Variants in LRRC4C observed in about 807,000 individuals in gnomAD.
LRRC4C encodes leucine-rich repeat-containing protein 4C.
In LRRC4C, 5 loss-of-function variants were observed where a neutral mutation model predicts 33.6. The observed-to-expected ratio is 0.15, with a 90% CI of 0.08 to 0.31. LRRC4C has a LOEUF of 0.31. Among genes scored for constraint, LRRC4C ranks in the 10% least tolerant of loss-of-function variants. LRRC4C has a pLI of 1.00. For synonymous variants in LRRC4C, 329 were observed against 302.0 expected, an observed-to-expected ratio of 1.09 and a Z score of -0.93; for missense variants, 560 against 796.7, an observed-to-expected ratio of 0.70 and a Z score of 3.58.
intron 3 of LRRC4C, among the ~76,000 whole-genome samples, chr11:40,367,703 G>C (rs1948272417): frequency 6.6e-6 from 1 of 152,018 alleles, no homozygotes. Context: ...ACACTTTTGT[G>C]AAATGTCATA....
In LRRC4C at chr11:40,838,909, G is replaced by GA. The variant is rs200842549; in HGVS notation, c.-407+94725dup. On this transcript the variant is annotated intron_variant, in intron 2 of 6. Transcript: ENST00000528697. ...TCAACAATTGTTTCCTTGATAATCA[G>GA]AAAAAAAAATGTATTTCTTTAACAT... is the stretch of plus-strand genomic sequence containing the variant. Among the ~76,000 whole-genome samples, 250 of 149,670 alleles carry GA rather than the reference G, an allele frequency of 1.7e-3. No individual in the cohort carries two copies. The East Asian group carries it at 0.025, about 15-fold the overall frequency.
At chr11:40,569,415 C>A (rs1379837640) in intron 3 of LRRC4C, among the ~76,000 whole-genome samples, 1 of 152,100 alleles carries the variant, frequency 6.6e-6, no homozygotes, top group Non-Finnish European at 1.5e-5. Flanking sequence ...ACTTGCAAAA[C>A]CAGAGTCAGT....
chr11:41,206,803 C>T (rs1946619567), intron 1 of LRRC4C, among the ~76,000 whole-genome samples: 1 of 152,040 alleles, frequency 6.6e-6, no homozygotes, highest in African/African-American at 2.4e-5. Context: ...TGTATAATCT[C>T]AATCCTCATA....
intron 3 of LRRC4C, among the ~76,000 whole-genome samples, chr11:40,358,184 A>AAAAG (rs1947764875): frequency 6.6e-6 from 1 of 150,386 alleles, no homozygotes; most frequent in Non-Finnish European, 1.5e-5. Context: ...CTCTGTCTCA[A>AAAAG]AAATAAATAA....
chr11:40,582,017 T>G (rs1055384746), intron 3 of LRRC4C, among the ~76,000 whole-genome samples: 1 of 152,156 alleles, frequency 6.6e-6, no homozygotes, highest in Non-Finnish European at 1.5e-5. Flanking sequence ...TTTTTCCAAG[T>G]GGAAAAGGCT....
intron 1 of LRRC4C, among the ~76,000 whole-genome samples, chr11:41,432,803 A>AT (rs1456237187): frequency 1.3e-5 from 2 of 151,998 alleles, no homozygotes; most frequent in Non-Finnish European, 2.9e-5. Flanking sequence ...GGCTGGCATC[A>AT]TTTTTCCCCC....
At chr11:40,874,083 G>A (rs1040195988) in intron 2 of LRRC4C, among the ~76,000 whole-genome samples, 7 of 152,188 alleles carry the variant, frequency 4.6e-5, no homozygotes, top group African/African-American at 1.7e-4. Flanking sequence ...AGATCAGAAA[G>A]TAAAAGCATA....
chr11:40,495,517 G>C (rs2138560824), intron 3 of LRRC4C, among the ~76,000 whole-genome samples: 1 of 152,204 alleles, frequency 6.6e-6, no homozygotes, highest in South Asian at 2.1e-4. Flanking sequence ...AGTTCCCCAA[G>C]TTGAGATATT....
At chr11:41,103,174 C>T (rs557682938) in intron 1 of LRRC4C, among the ~76,000 whole-genome samples, 1 of 151,958 alleles carries the variant, frequency 6.6e-6, no homozygotes, top group Admixed American at 6.6e-5. Flanking sequence ...TATGGCCTGT[C>T]ACACAGCAAT....
intron 3 of LRRC4C, among the ~76,000 whole-genome samples, chr11:40,471,275 C>T (rs938371871): frequency 6.6e-6 from 1 of 152,126 alleles, no homozygotes; most frequent in Non-Finnish European, 1.5e-5. Context: ...ATTTCATATT[C>T]AGCCAAACTA....
chr11:40,155,325 C>G lies in LRRC4C; in HGVS notation c.-95-14472G>C, dbSNP rs531707956. 1.4e-4 allele frequency among the ~76,000 whole-genome samples: 21 copies of G among 151,730 alleles called. No individual in the cohort carries two copies. In the South Asian group the frequency reaches 4.0e-3, roughly 29 times the overall value. On this transcript the variant is annotated intron_variant, in intron 5 of 6. Transcript: ENST00000528697. The stretch of plus-strand genomic sequence containing the variant: ...CTAGAAAAAGAAGAACAAACAAAAC[C>G]CAAACCCAACAGAAGGAAGGAAAAA...
intron 1 of LRRC4C, among the ~76,000 whole-genome samples, chr11:41,194,845 G>A (rs1946114339): frequency 6.6e-6 from 1 of 152,000 alleles, no homozygotes; most frequent in Non-Finnish European, 1.5e-5. Context: ...TAGTAATATT[G>A]TTATATAACA....
chr11:41,219,002 A>G (rs1947186812), intron 1 of LRRC4C, among the ~76,000 whole-genome samples: 1 of 151,630 alleles, frequency 6.6e-6, no homozygotes, highest in African/African-American at 2.4e-5. Context: ...CAATCTCCTG[A>G]CCTCATGATC....
intron 3 of LRRC4C, among the ~76,000 whole-genome samples, chr11:40,440,536 T>C (rs1027996016): frequency 6.6e-5 from 10 of 152,156 alleles, no homozygotes; most frequent in Non-Finnish European, 1.3e-4. Flanking sequence ...ATTATATCAT[T>C]CTCTTGAAAA....
At chr11:40,299,116 G>T (rs1382109178) in intron 4 of LRRC4C, among the ~76,000 whole-genome samples, 1 of 152,128 alleles carries the variant, frequency 6.6e-6, no homozygotes, top group Non-Finnish European at 1.5e-5. Flanking sequence ...AATAACAAAG[G>T]TCCTTAGTGA....
intron 2 of LRRC4C, among the ~76,000 whole-genome samples, chr11:40,764,471 T>C (rs60008491): frequency 0.068 from 10,349 of 152,228 alleles, 585 homozygotes; most frequent in African/African-American, 0.15. Flanking sequence ...AGATTACCAA[T>C]GTTCCTGACT....
At chr11:40,354,453 C>T (rs1052216724) in intron 3 of LRRC4C, among the ~76,000 whole-genome samples, 3 of 152,140 alleles carry the variant, frequency 2.0e-5, no homozygotes, top group Admixed American at 2.0e-4. Context: ...AGGTTAGAGA[C>T]AGAAATGTTT....
chr11:40,929,132 C>T (rs776553205), intron 2 of LRRC4C, among the ~76,000 whole-genome samples: 39 of 152,122 alleles, frequency 2.6e-4, no homozygotes, highest in Non-Finnish European at 5.1e-4. Context: ...TTAGACACTT[C>T]CTCTTTAAAG....
chr11:40,554,131 T>C (rs932292091), intron 3 of LRRC4C, among the ~76,000 whole-genome samples: 2 of 152,150 alleles, frequency 1.3e-5, no homozygotes, highest in African/African-American at 2.4e-5. Flanking sequence ...GTAAGAAGTA[T>C]GGGTCCAATT....
Sources: allele counts gnomAD v4.1 joint callset (sites outside exome capture counted in the v4.1 genomes callset), GRCh38; gene constraint gnomAD v4.1.1; transcripts MANE v1.5; gene names NCBI Gene and HGNC (gene_info 2026-07-23, HGNC 2026-07-21).